MAF: variants seen among roughly 807,000 people sequenced by gnomAD.
The protein encoded by MAF is MAF bZIP transcription factor, also known as transcription factor Maf.
Under a neutral mutation model 22.0 loss-of-function variants are expected in MAF, and 10 were observed. The ratio of observed to expected loss-of-function variants is 0.45; its 90% CI spans 0.28 to 0.77. MAF has a LOEUF of 0.77. MAF is among the 30% of genes least tolerant of loss of function. The pLI is 0.12. For missense variants in MAF, 544 were observed against 548.4 expected (o/e 0.99, Z 0.08); for synonymous variants, 337 against 255.8 (o/e 1.32, Z -3.03).
the MAF span, among the ~76,000 whole-genome samples, chr16:79,346,105 G>A: frequency 1.3e-5 from 2 of 151,706 alleles, no homozygotes; most frequent in Non-Finnish European, 2.9e-5. Flanking sequence ...GTATACATGT[G>A]CCATGTTGGT....
the MAF span, among the ~76,000 whole-genome samples, chr16:79,257,854 G>A: frequency 6.6e-6 from 1 of 152,148 alleles, no homozygotes; most frequent in African/African-American, 2.4e-5. Context: ...TACTATTGAT[G>A]CTATTTTTGA....
chr16:79,459,324 G>C, the MAF span, among the ~76,000 whole-genome samples: 1 of 152,150 alleles, frequency 6.6e-6, no homozygotes, highest in Non-Finnish European at 1.5e-5. Flanking sequence ...CCATGTGAAA[G>C]GCTTTGTTCT....
chr16:79,226,862 T>C, the MAF span, among the ~76,000 whole-genome samples: 8 of 152,188 alleles, frequency 5.3e-5, no homozygotes, highest in South Asian at 6.2e-4. Flanking sequence ...TTGAGTATTA[T>C]AGCACGGCTG....
chr16:79,553,149 G>C, the MAF span, among the ~76,000 whole-genome samples: 1 of 152,230 alleles, frequency 6.6e-6, no homozygotes, highest in Non-Finnish European at 1.5e-5. Flanking sequence ...GCACACAGCA[G>C]GTGCACAAAA....
the MAF span, among the ~76,000 whole-genome samples, chr16:79,334,138 A>G: frequency 1.3e-5 from 2 of 152,374 alleles, no homozygotes; most frequent in East Asian, 1.9e-4. Flanking sequence ...CACCAAAGAC[A>G]CATTCAAGAA....
the MAF span, among the ~76,000 whole-genome samples, chr16:79,223,555 A>C: frequency 6.6e-6 from 1 of 152,232 alleles, no homozygotes; most frequent in African/African-American, 2.4e-5. Flanking sequence ...AACCCTTCAA[A>C]AAATCAATGA....
the MAF span, among the ~76,000 whole-genome samples, chr16:79,457,646 T>G: frequency 6.6e-6 from 1 of 152,100 alleles, no homozygotes; most frequent in Non-Finnish European, 1.5e-5. Context: ...CACCCAGAAG[T>G]AAGAGACAGG....
At chr16:79,375,725 C>G in the MAF span, among the ~76,000 whole-genome samples, 1 of 152,096 alleles carries the variant, frequency 6.6e-6, no homozygotes, top group Non-Finnish European at 1.5e-5. Context: ...CAAATGGGGT[C>G]ACAGACTTAA....
the MAF span, among the ~76,000 whole-genome samples, chr16:79,512,401 AG>A: frequency 6.6e-6 from 1 of 152,088 alleles, no homozygotes; most frequent in African/African-American, 2.4e-5. Flanking sequence ...ATGAGCTTTG[AG>A]GGTTGGGGGT....
At chr16:79,598,469 A>AAC (rs1308400784) in intron 1 of MAF, 3 of 1,304,576 alleles carry the variant, frequency 2.3e-6, no homozygotes, top group Non-Finnish European at 2.9e-6. Flanking sequence ...AAAAAAAAAA[A>AAC]AACAAGCTAG....
At chr16:79,575,073 G>A in the MAF span, among the ~76,000 whole-genome samples, 1 of 150,914 alleles carries the variant, frequency 6.6e-6, no homozygotes, top group East Asian at 2.0e-4. Flanking sequence ...GCCACTAAAG[G>A]TTCTTGATTC....
At chr16:79,480,688 T>TCTGTTCCTGGAACAGAAGCCA in the MAF span, among the ~76,000 whole-genome samples, 1 of 152,180 alleles carries the variant, frequency 6.6e-6, no homozygotes, top group African/African-American at 2.4e-5. Flanking sequence ...GAGCTGGCAT[T>TCTGTTCCTGGAACAGAAGCCA]GGACAGGGAT....
At chr16:79,296,876 G>C in the MAF span, among the ~76,000 whole-genome samples, 1 of 152,168 alleles carries the variant, frequency 6.6e-6, no homozygotes, top group African/African-American at 2.4e-5. Context: ...TGAGCTTGTC[G>C]TTCATTTGCT....
the MAF span, among the ~76,000 whole-genome samples, chr16:79,422,665 G>A: frequency 1.3e-5 from 2 of 152,166 alleles, no homozygotes; most frequent in Admixed American, 1.3e-4. Context: ...TCCTTTGGGG[G>A]GCATATCTGG....
At chr16:79,529,656 A>G in the MAF span, among the ~76,000 whole-genome samples, 1 of 152,180 alleles carries the variant, frequency 6.6e-6, no homozygotes, top group African/African-American at 2.4e-5. Flanking sequence ...ATGGATACAA[A>G]GCATGCAATA....
the MAF span, among the ~76,000 whole-genome samples, chr16:79,522,976 C>A: frequency 6.6e-6 from 1 of 152,154 alleles, no homozygotes; most frequent in African/African-American, 2.4e-5. Context: ...AATCTTACCC[C>A]GCACAGGGAG....
At chr16:79,379,651 A>C in the MAF span, among the ~76,000 whole-genome samples, 1 of 152,210 alleles carries the variant, frequency 6.6e-6, no homozygotes, top group East Asian at 1.9e-4. Context: ...AAGAGTGGTC[A>C]CTTTGAATAA....
chr16:79,520,143 A>G, the MAF span, among the ~76,000 whole-genome samples: 3 of 152,186 alleles, frequency 2.0e-5, no homozygotes, highest in Admixed American at 1.3e-4. Context: ...GGCGCCTGCT[A>G]ACTCTGCTTC....
chr16:79,346,414 T>C, the MAF span, among the ~76,000 whole-genome samples: 6 of 152,146 alleles, frequency 3.9e-5, no homozygotes, highest in East Asian at 1.9e-4. Context: ...AGGCCAAGAA[T>C]TGGCTACAAT....
Sources: gnomAD v4.1 joint callset for allele counts (sites outside exome capture counted in the v4.1 genomes callset) on GRCh38, gnomAD v4.1.1 for gene constraint, MANE v1.5 for transcripts, NCBI Gene and HGNC (gene_info 2026-07-23, HGNC 2026-07-21) for gene names.